Variants in RAD51AP2 observed in about 807,000 individuals in gnomAD.
The protein encoded by RAD51AP2 is RAD51 associated protein 2.
Under a neutral mutation model 85.5 loss-of-function variants are expected in RAD51AP2, and 67 were observed. That is an observed-to-expected ratio of 0.78 (90% CI 0.64 to 0.96). The LOEUF (loss-of-function observed/expected upper bound fraction) is 0.96. Ranked by LOEUF, RAD51AP2 falls within the 40% of genes least tolerant of loss-of-function variation. The pLI, the probability that RAD51AP2 is intolerant of heterozygous loss-of-function variation, is 0.00. For missense variants in RAD51AP2, 1,307 were observed against 1,332.4 expected, an observed-to-expected ratio of 0.98 and a Z score of 0.30; for synonymous variants, 474 against 446.5, an observed-to-expected ratio of 1.06 and a Z score of -0.78.
Position 17,517,045 on chromosome 2 carries a change from T to G in RAD51AP2, c.1371A>C (p.Glu457Asp). 1 of 1,609,408 alleles carries G rather than the reference T, an allele frequency of 6.2e-7. No individual in the cohort carries two copies. The highest frequency in any genetic ancestry group is 8.5e-7 in the Non-Finnish European group (1 of 1,178,714). Residue 457 changes from glutamate (E) to aspartate (D), a missense_variant, in exon 1 of 3, where the codon GAA (glutamate) becomes GAC (aspartate). Transcript: ENST00000399080. ...HCAKVINAYE[E>D]QSKLLVREIL... ...TTTCTCTTACGAGAAGCTTTGATTG[T>G]TCTTCATATGCATTGATGACTTTTG...
Position 17,516,536 on chromosome 2 carries a change from G to A in RAD51AP2, c.1880C>T (p.Ala627Val), listed in dbSNP as rs764517888. Residue 627 changes from alanine to valine, a missense_variant, in exon 1 of 3, where the codon GCA becomes GTA. Physicochemically the swap from Ala to Val is moderately conservative, Grantham distance 64. Coordinates refer to ENST00000399080, the MANE Select transcript of RAD51AP2 (RefSeq NM_001099218.3). Reference sequence around the variant, plus strand: ...AGAAGTTAAAATCTTTACTAGATATGCAGTATGATTTTCCACTATATTTTT... The same window carrying A: ...AGAAGTTAAAATCTTTACTAGATATACAGTATGATTTTCCACTATATTTTT... ...YPKNIVENHT[A>V]YLVKILTSSR... The A allele has an allele frequency of 1.3e-6, 2 of 1,555,188 alleles. No homozygotes were observed. The highest frequency in any genetic ancestry group is 1.8e-6 in the Non-Finnish European group (2 of 1,136,742).
intron 2 of RAD51AP2, 46 bp from the exon 3 acceptor site, chr2:17,511,001 T>G (rs1020881100): frequency 1.5e-6 from 2 of 1,364,566 alleles, no homozygotes; most frequent in African/African-American, 3.0e-5. Flanking sequence ...ATAGTTTCTA[T>G]GCCTAAAAAT....
At chr2:17,534,911 C>A in the RAD51AP2 span, among the ~76,000 whole-genome samples, 1 of 152,168 alleles carries the variant, frequency 6.6e-6, no homozygotes, top group African/African-American at 2.4e-5. Context: ...ACCTTAAATT[C>A]AATCAAAATG....
the RAD51AP2 span, among the ~76,000 whole-genome samples, chr2:17,535,935 C>CAA: frequency 3.4e-3 from 195 of 56,970 alleles, no homozygotes; most frequent in East Asian, 5.5e-3. Flanking sequence ...GTAAGAACAC[C>CAA]AAAAAAAAAA....
chr2:17,532,055 G>T, the RAD51AP2 span, among the ~76,000 whole-genome samples: 1 of 151,812 alleles, frequency 6.6e-6, no homozygotes. Flanking sequence ...GGTGGGGGGG[G>T]AAGCATATTT....
At chr2:17,536,841 T>C in the RAD51AP2 span, among the ~76,000 whole-genome samples, 3 of 152,200 alleles carry the variant, frequency 2.0e-5, no homozygotes, top group African/African-American at 7.2e-5. Flanking sequence ...CACTGCTTCA[T>C]GGTCTTGCAT....
chr2:17,516,360 C>T lies in RAD51AP2; in HGVS notation c.2056G>A (p.Glu686Lys). The change falls in exon 1 of 3, where the codon GAA becomes AAA. Residue 686 changes from glutamate to lysine, a missense_variant. Around this residue, in one of 3 missense-constraint regions of RAD51AP2, gnomAD observed 668 missense variants for 671.0 expected, o/e 1.00. Coordinates refer to ENST00000399080, the MANE Select transcript of RAD51AP2 (RefSeq NM_001099218.3). ...AAGTCCATTAAAAGGGGAATTTTTT[C>T]ATATGTTTCAAAAATCGGAAAACCT... Reference protein sequence around the residue: ...NTGFPIFETYEKIPLLMDFDD... With the variant: ...NTGFPIFETYKKIPLLMDFDD... 6.2e-7 allele frequency: 1 copy of T among 1,611,526 alleles called. No homozygotes were observed. The highest frequency in any genetic ancestry group is 8.5e-7 in the Non-Finnish European group (1 of 1,179,186).
intron 2 of RAD51AP2, 61 bp downstream of exon 2, chr2:17,513,951 A>G (rs1662571182): frequency 1.1e-6 from 1 of 914,994 alleles, no homozygotes; most frequent in Admixed American, 2.0e-5. Flanking sequence ...TCCTCATACT[A>G]AAAATACCAT....
chr2:17,525,307 G>A, the RAD51AP2 span, among the ~76,000 whole-genome samples: 1 of 151,980 alleles, frequency 6.6e-6, no homozygotes, highest in South Asian at 2.1e-4. Context: ...GACCTTTTAA[G>A]AGGAGAATTA....
At position 17,518,406 on chromosome 2, in the gene RAD51AP2, G is replaced by C. The variant is rs376514281; in HGVS notation, c.10C>G (p.Pro4Ala). The C allele has an allele frequency of 2.5e-6, 4 of 1,611,250 alleles. No individual in the cohort carries two copies. The highest frequency in any genetic ancestry group is 2.5e-6 in the Non-Finnish European group (3 of 1,179,392). ...TCGGCCATCCGCGGCGTGGGCTGAG[G>C]GAGAGACATGACAGCGAATGGAAAG... MSL[P>A]QPTPRMAELR... The change falls in exon 1 of 3, where the codon CCT becomes GCT. Residue 4 changes from proline (P) to alanine (A), a missense_variant. Physicochemically the swap from Pro to Ala is conservative, Grantham distance 27. This residue lies in a region of RAD51AP2 where 635 missense variants were observed against 643.6 expected (regional missense o/e 0.99). Coordinates refer to ENST00000399080, the MANE Select transcript of RAD51AP2 (RefSeq NM_001099218.3).
chr2:17,520,747 T>G (rs1236464449), upstream of RAD51AP2, among the ~76,000 whole-genome samples: 3 of 108,752 alleles, frequency 2.8e-5, no homozygotes, highest in Non-Finnish European at 5.7e-5. Flanking sequence ...ACTTAACTCT[T>G]TCAGCTTCTT....
At chr2:17,518,851 A>G (rs928043918), upstream of RAD51AP2, among the ~76,000 whole-genome samples, 2 of 152,104 alleles carry the variant, frequency 1.3e-5, no homozygotes, top group Non-Finnish European at 2.9e-5. Context: ...TACCTCAGAA[A>G]CGGCATCTCC....
chr2:17,531,759 G>T, the RAD51AP2 span, among the ~76,000 whole-genome samples: 1 of 152,154 alleles, frequency 6.6e-6, no homozygotes, highest in African/African-American at 2.4e-5. Flanking sequence ...CTAAAACTGT[G>T]AATTTAATTT....
chr2:17,537,050 T>C, the RAD51AP2 span, among the ~76,000 whole-genome samples: 158 of 152,376 alleles, frequency 1.0e-3, no homozygotes, highest in Middle Eastern at 0.024. Context: ...CTGGAAAAGA[T>C]GGCTCATGCC....
the RAD51AP2 span, among the ~76,000 whole-genome samples, chr2:17,534,779 G>C: frequency 6.6e-6 from 1 of 152,100 alleles, no homozygotes; most frequent in Non-Finnish European, 1.5e-5. Flanking sequence ...TTGAGTAAAA[G>C]TCCTTGAAAA....
the RAD51AP2 span, among the ~76,000 whole-genome samples, chr2:17,525,724 A>C: frequency 6.6e-6 from 1 of 152,050 alleles, no homozygotes; most frequent in Non-Finnish European, 1.5e-5. Flanking sequence ...TCCACAAGCT[A>C]ATCCCACAAT....
Position 17,517,525 on chromosome 2 carries a change from G to C in RAD51AP2, c.891C>G (p.Tyr297Ter). Residue 297 changes from tyrosine to a stop codon, truncating the protein, a stop_gained, in exon 1 of 3, where the codon TAC (tyrosine) becomes TAG (stop). Coordinates refer to ENST00000399080, the MANE Select transcript of RAD51AP2 (RefSeq NM_001099218.3). LOFTEE classifies it high-confidence loss of function. ...TAACATCAGGTCTATTTTGGGACCA[G>C]TAAATGTTTGTGAAATCCCTAACAT... The part of the protein sequence containing the change: ...EAYVRDFTNI[Y>*]WSQNRPDVKK... 5.0e-6 allele frequency: 8 copies of C among 1,613,718 alleles called. No homozygotes were observed. The highest frequency in any genetic ancestry group is 6.8e-6 in the Non-Finnish European group (8 of 1,179,888).
upstream of RAD51AP2, among the ~76,000 whole-genome samples, chr2:17,521,285 C>T (rs187198107): frequency 9.9e-5 from 15 of 152,164 alleles, no homozygotes; most frequent in Admixed American, 2.6e-4. Context: ...ATACATTTAA[C>T]ATGAAAACTA....
At chr2:17,531,342 A>G in the RAD51AP2 span, among the ~76,000 whole-genome samples, 1 of 152,270 alleles carries the variant, frequency 6.6e-6, no homozygotes, top group East Asian at 1.9e-4. Context: ...ATTAAGATAT[A>G]TAACATATTA....
Sources: allele counts gnomAD v4.1 joint callset (sites outside exome capture counted in the v4.1 genomes callset), GRCh38; gene constraint gnomAD v4.1.1; regional missense constraint gnomAD v4.1.1; transcripts MANE v1.5; gene names NCBI Gene and HGNC (gene_info 2026-07-23, HGNC 2026-07-21).